Variants in PNPLA8 observed in about 807,000 individuals in gnomAD.
PNPLA8 encodes calcium-independent phospholipase A2-gamma.
Under a neutral mutation model 76.9 loss-of-function variants are expected in PNPLA8, and 39 were observed. The ratio of observed to expected loss-of-function variants is 0.51; its 90% CI spans 0.39 to 0.66. The LOEUF is 0.66. Ranked by LOEUF, PNPLA8 falls within the 30% of genes least tolerant of loss-of-function variation. PNPLA8 has a pLI of 0.00. For synonymous variants in PNPLA8, 301 were observed against 307.9 expected, an observed-to-expected ratio of 0.98 and a Z score of 0.24; for missense variants, 887 against 918.0, an observed-to-expected ratio of 0.97 and a Z score of 0.44.
intron 6 of PNPLA8, 88 bp from the exon 7 acceptor site, chr7:108,496,843 T>G (rs1861586444): frequency 9.6e-7 from 1 of 1,044,424 alleles, no homozygotes; most frequent in Admixed American, 2.8e-5. Flanking sequence ...TGGCTTAAAT[T>G]TTAGCGTTGA....
intron 5 of PNPLA8, among the ~76,000 whole-genome samples, chr7:108,498,589 A>C (rs1361224810): frequency 6.6e-6 from 1 of 151,912 alleles, no homozygotes; most frequent in Non-Finnish European, 1.5e-5. Flanking sequence ...CAGATTTTTA[A>C]GCTCCCTTTT....
chr7:108,511,856 G>C (rs2154516523), intron 4 of PNPLA8, among the ~76,000 whole-genome samples: 1 of 152,274 alleles, frequency 6.6e-6, no homozygotes, highest in South Asian at 2.1e-4. Context: ...GTTTATTTTG[G>C]TATATATGTG....
chr7:108,478,927 T>G (rs1860189801), intron 10 of PNPLA8, among the ~76,000 whole-genome samples: 1 of 152,244 alleles, frequency 6.6e-6, no homozygotes, highest in South Asian at 2.1e-4. Context: ...TGTTGTGCTA[T>G]CCAGCTTTAG....
In PNPLA8 at chr7:108,514,026, G is replaced by A. The variant is rs1863119336; in HGVS notation, c.1206+118C>T. 4 of 695,044 alleles carry A rather than the reference G, an allele frequency of 5.8e-6. No homozygotes were observed. In the Admixed American group the frequency reaches 9.7e-5, roughly 17 times the overall value. 43.1% of individuals were successfully genotyped at this position (695,044 alleles called of 1,614,324 possible). A position where few individuals can be genotyped will look rare whatever the true frequency, so the allele number is the denominator to read the frequency against. On this transcript the variant is annotated intron_variant, in intron 4 of 10. Coordinates refer to ENST00000257694, the MANE Select transcript of PNPLA8 (RefSeq NM_001256007.3). ...GGTAATTACTGAATACACATCACATGTATAATAAAAACCACAAAATTCAAA... is the reference window on the plus strand; with the variant it reads ...GGTAATTACTGAATACACATCACATATATAATAAAAACCACAAAATTCAAA...
chr7:108,523,789 G>A (rs1226966772), intron 1 of PNPLA8, among the ~76,000 whole-genome samples: 1 of 152,144 alleles, frequency 6.6e-6, no homozygotes, highest in Admixed American at 6.5e-5. Flanking sequence ...ACTTTCTGAT[G>A]CTGGGGCTCT....
At chr7:108,498,805 T>C (rs1249485495) in intron 5 of PNPLA8, among the ~76,000 whole-genome samples, 1 of 152,130 alleles carries the variant, frequency 6.6e-6, no homozygotes, top group Admixed American at 6.5e-5. Flanking sequence ...CATGTGTGTA[T>C]CATGACAATT....
intron 10 of PNPLA8, among the ~76,000 whole-genome samples, chr7:108,473,190 A>G (rs567786283): frequency 3.3e-5 from 5 of 152,340 alleles, no homozygotes; most frequent in African/African-American, 1.2e-4. Context: ...CAGAATCAAA[A>G]GTATCTACCT....
intron 1 of PNPLA8, among the ~76,000 whole-genome samples, chr7:108,524,652 C>T (rs1360107363): frequency 1.3e-5 from 2 of 152,048 alleles, no homozygotes; most frequent in Non-Finnish European, 2.9e-5. Context: ...TGGGGAAACC[C>T]GTCTCTACTT....
intron 8 of PNPLA8, among the ~76,000 whole-genome samples, chr7:108,489,263 A>C (rs142486982): frequency 1.3e-5 from 2 of 152,338 alleles, no homozygotes; most frequent in African/African-American, 4.8e-5. Context: ...TCATCTCTTC[A>C]TCACAGCCTC....
chr7:108,490,325 A>G (rs1861052683), intron 8 of PNPLA8, among the ~76,000 whole-genome samples: 1 of 152,178 alleles, frequency 6.6e-6, no homozygotes, highest in East Asian at 1.9e-4. Context: ...CATTTAGCCT[A>G]CATGTGTAGT....
intron 7 of PNPLA8, among the ~76,000 whole-genome samples, chr7:108,493,568 CTT>C (rs34935118): frequency 0.023 from 1,893 of 81,122 alleles, 8 homozygotes; most frequent in African/African-American, 0.047. Context: ...CCATGCCTGG[CTT>C]TTTTTTTTTT....
rs200843629 is a variant in PNPLA8 at position 108,514,978 on chromosome 7, C to G, written c.514G>C (p.Glu172Gln). The change falls in exon 3 of 11, where the codon GAA (glutamate) becomes CAA (glutamine). Residue 172 changes from glutamate (E) to glutamine (Q), a missense_variant. Glu to Gln is a conservative substitution (Grantham distance 29). Coordinates refer to ENST00000257694, the MANE Select transcript of PNPLA8 (RefSeq NM_001256007.3). ...DKSAEKSPFPEEKSHIIDKEE... is the reference protein window; with the variant it reads ...DKSAEKSPFPQEKSHIIDKEE... Reference sequence around the variant, plus strand: ...TTGTCTATAATGTGACTTTTCTCTTCTGGAAAAGGACTCTTTTCTGCTGAT... The same window carrying G: ...TTGTCTATAATGTGACTTTTCTCTTGTGGAAAAGGACTCTTTTCTGCTGAT... 1 of 1,608,566 alleles carries G rather than the reference C, an allele frequency of 6.2e-7. No individual in the cohort carries two copies. The highest frequency in any genetic ancestry group is 1.3e-5 in the African/African-American group (1 of 74,964).
chr7:108,487,121 T>C (rs1446207722), intron 9 of PNPLA8, among the ~76,000 whole-genome samples: 1 of 152,144 alleles, frequency 6.6e-6, no homozygotes, highest in Non-Finnish European at 1.5e-5. Context: ...CCAGAAATAA[T>C]ATTCACTTTT....
At position 108,502,690 on chromosome 7, in the gene PNPLA8, G is replaced by A. The variant is rs576456516; in HGVS notation, c.1207-48C>T. ...TTGTTGCTTTTGTCAAATCAAGACT[G>A]AAAATGTATGATTATTATTAACCAA... On this transcript the variant is annotated intron_variant, in intron 4 of 10. Transcript: ENST00000257694. 6.2e-5 allele frequency: 85 copies of A among 1,376,614 alleles called. 1 individual carries two copies. The South Asian group carries it at 1.0e-3, about 16-fold the overall frequency. 85.3% of individuals were successfully genotyped at this position (1,376,614 alleles called of 1,614,324 possible).
chr7:108,510,903 C>G, intron 4 of PNPLA8: 1 of 1,589,086 alleles, frequency 6.3e-7, no homozygotes. Flanking sequence ...AAAAAGACCA[C>G]CCATTTTGTA....
At chr7:108,498,000 A>AG (rs1861668423) in intron 5 of PNPLA8, among the ~76,000 whole-genome samples, 1 of 134,686 alleles carries the variant, frequency 7.4e-6, no homozygotes, top group African/African-American at 2.7e-5. Flanking sequence ...CCATTTCTAC[A>AG]GAAAAAAAAA....
At chr7:108,501,635 C>T (rs1481812916) in intron 5 of PNPLA8, among the ~76,000 whole-genome samples, 1 of 152,078 alleles carries the variant, frequency 6.6e-6, no homozygotes, top group East Asian at 1.9e-4. Context: ...CCAGCCTAGA[C>T]AACATGGTGA....
intron 4 of PNPLA8, among the ~76,000 whole-genome samples, chr7:108,503,580 A>G (rs1862119323): frequency 6.6e-6 from 1 of 152,198 alleles, no homozygotes; most frequent in Non-Finnish European, 1.5e-5. Context: ...CAACGCTCAC[A>G]TCAACAACAA....
chr7:108,515,321 A>C lies in PNPLA8; in HGVS notation c.171T>G (p.Cys57Trp). ...QRGFHTNIIR[C>W]KWTKSEAHSC... ...AATGTGCTTCACTTTTGGTCCATTT[A>C]CATCTTATTATGTTTGTATGAAAAC... Residue 57 changes from cysteine to tryptophan, a missense_variant, in exon 3 of 11, where the codon TGT becomes TGG. Transcript: ENST00000257694. 6.2e-7 allele frequency: 1 copy of C among 1,613,474 alleles called. No homozygotes were observed. Among genetic ancestry groups the C allele is most frequent in the Non-Finnish European group, 8.5e-7 (1 of 1,179,774 alleles).
Sources: allele counts gnomAD v4.1 joint callset (sites outside exome capture counted in the v4.1 genomes callset), GRCh38; gene constraint gnomAD v4.1.1; transcripts MANE v1.5; gene names NCBI Gene and HGNC (gene_info 2026-07-23, HGNC 2026-07-21).